ASMT: variants seen among roughly 807,000 people sequenced by gnomAD.
The protein encoded by ASMT is acetylserotonin N-methyltransferase.
In ASMT, 53 loss-of-function variants were observed where a neutral mutation model predicts 41.3. The observed-to-expected ratio is 1.28, with a 90% CI of 1.03 to 1.61. The LOEUF (loss-of-function observed/expected upper bound fraction) is 1.61. Among genes scored for constraint, ASMT ranks in the 40% most tolerant of loss-of-function variants. The probability of loss-of-function intolerance (pLI) is 0.00; values close to 1 mark genes in which losing one functional copy is unlikely to be tolerated. For missense variants in ASMT, 531 were observed against 441.3 expected (o/e 1.20, Z -1.82); for synonymous variants, 231 against 184.8 (o/e 1.25, Z -2.03).
At chrX:1,635,628 G>A (rs185725823) in intron 7 of ASMT, among the ~76,000 whole-genome samples, 3 of 152,098 alleles carry the variant, frequency 2.0e-5, no homozygotes, top group Admixed American at 6.5e-5. Flanking sequence ...TTGGGAGGCC[G>A]AGGCGGGCGG....
At chrX:1,623,846 G>A (rs112654373) in intron 2 of ASMT, among the ~76,000 whole-genome samples, 6 of 150,780 alleles carry the variant, frequency 4.0e-5, no homozygotes, top group African/African-American at 1.5e-4. Context: ...ACAGGATTTC[G>A]TCACGTTGGC....
rs1284921695 is a variant in ASMT, at chrX:1,641,580, A to T, written c.911-1223A>T. ...TGAGGTCCACCCATCCTGATGGTTC[A>T]TGAGGATGTGGGCACAGCCTCTGTG... On this transcript the variant is annotated intron_variant, in intron 8 of 8. Coordinates refer to ENST00000381241, the MANE Select transcript of ASMT (RefSeq NM_001171038.2). Among the ~76,000 whole-genome samples, 2 of 148,860 alleles carry T rather than the reference A, an allele frequency of 1.3e-5. 1 individual carries two copies. The highest frequency in any genetic ancestry group is 4.1e-4 in the East Asian group (2 of 4,876).
At chrX:1,628,520 G>C (rs1183431015) in intron 4 of ASMT, among the ~76,000 whole-genome samples, 1 of 152,068 alleles carries the variant, frequency 6.6e-6, no homozygotes, top group Non-Finnish European at 1.5e-5. Context: ...CTGAGGCATG[G>C]AGTAGGGAAG....
At chrX:1,620,811 C>A (rs1194185227) in intron 1 of ASMT, among the ~76,000 whole-genome samples, 2 of 152,036 alleles carry the variant, frequency 1.3e-5, no homozygotes, top group African/African-American at 4.8e-5. Flanking sequence ...ATGGCTTGAA[C>A]CTGGGAGGTG....
rs1300463845 is a variant in ASMT at position 1,636,561 on chromosome X, G to A, written c.910+1G>A. ...AGGATCTACCACACTTGCAAGCCAG[G>A]TAAGTTGTGGGGTTTGCATTTCAGC... On this transcript the variant is annotated splice_donor_variant, in intron 8 of 8. Transcript: ENST00000381241. LOFTEE classifies it high-confidence loss of function. 21 of 1,609,126 alleles carry A rather than the reference G, an allele frequency of 1.3e-5. No homozygotes were observed. In the East Asian group the frequency reaches 3.3e-4, roughly 26 times the overall value.
intron 5 of ASMT, among the ~76,000 whole-genome samples, chrX:1,631,983 A>C (rs1934795316): frequency 6.6e-6 from 1 of 152,146 alleles, no homozygotes; most frequent in African/African-American, 2.4e-5. Flanking sequence ...CGGGAAGTGA[A>C]GGTTGCAGTG....
rs1339188378 is a variant in ASMT, at chrX:1,615,090, C to G, written c.-110C>G. 2.3e-6 allele frequency: 2 copies of G among 887,606 alleles called. No homozygotes were observed. Among genetic ancestry groups the G allele is most frequent in the African/African-American group, 3.3e-5 (2 of 60,900 alleles). The allele number at this position is 887,606 out of a possible 1,614,324, so 55.0% of individuals were successfully genotyped here. A position where few individuals can be genotyped will look rare whatever the true frequency, so the allele number is the denominator to read the frequency against. ...GTACTGGGCAGGCAGCAGGGAGAGT[C>G]AGGCAGCAGCTGTGAGCGGGTGGCT... On this transcript the variant is annotated 5_prime_UTR_variant, in exon 1 of 9. Coordinates refer to ENST00000381241, the MANE Select transcript of ASMT (RefSeq NM_001171038.2).
rs1331157869 is a variant in ASMT, at chrX:1,628,418, G to A, written c.443+647G>A. Reference sequence around the variant, plus strand: ...ACCTCAGCTCTTCACTTTGCTTTGCGATGTGGACACAGCTTTGGCCTTTGC... The same window carrying A: ...ACCTCAGCTCTTCACTTTGCTTTGCAATGTGGACACAGCTTTGGCCTTTGC... On this transcript the variant is annotated intron_variant, in intron 4 of 8. Coordinates refer to ENST00000381241, the MANE Select transcript of ASMT (RefSeq NM_001171038.2). Among the ~76,000 whole-genome samples, 12 of 152,304 alleles carry A rather than the reference G, an allele frequency of 7.9e-5. No individual in the cohort carries two copies. The Middle Eastern group carries it at 0.01, about 130-fold the overall frequency.
chrX:1,635,093 G>C (rs1272612797), intron 7 of ASMT, among the ~76,000 whole-genome samples: 1 of 148,738 alleles, frequency 6.7e-6, no homozygotes, highest in African/African-American at 2.5e-5. Context: ...TCCTGCCTCA[G>C]CCTCCCGAGT....
chrX:1,623,164 G>A lies in ASMT; in HGVS notation c.95G>A (p.Gly32Asp), dbSNP rs1934396915. Reference protein sequence around the residue: ...SQVLFAACELGVFDLLAEAPG... With the variant: ...SQVLFAACELDVFDLLAEAPG... ...GTTCTCTTCGCCGCCTGCGAGCTGGGCGTGTTTGACCTTCTCGCCGAGGCC... is the reference window on the plus strand; with the variant it reads ...GTTCTCTTCGCCGCCTGCGAGCTGGACGTGTTTGACCTTCTCGCCGAGGCC... The change falls in exon 2 of 9, where the codon GGC becomes GAC. Residue 32 changes from glycine (G) to aspartate (D), a missense_variant. Gly to Asp is a moderately conservative substitution (Grantham distance 94, BLOSUM62 -1). Coordinates refer to ENST00000381241, the MANE Select transcript of ASMT (RefSeq NM_001171038.2). 1 of 1,612,872 alleles carries A rather than the reference G, an allele frequency of 6.2e-7. No homozygotes were observed.
At chrX:1,619,587 T>TAATAAA (rs1420115346) in intron 1 of ASMT, among the ~76,000 whole-genome samples, 57 of 136,170 alleles carry the variant, frequency 4.2e-4, no homozygotes, top group Middle Eastern at 3.8e-3. Context: ...ATAATAATAA[T>TAATAAA]AAAAAGTCTT....
At chrX:1,641,202 G>C in intron 8 of ASMT, among the ~76,000 whole-genome samples, 1 of 2,436 alleles carries the variant, frequency 4.1e-4, no homozygotes. Context: ...GTGTGTGATG[G>C]GGACAGTGTC....
At chrX:1,632,405 A>G (rs7061029) in intron 5 of ASMT, among the ~76,000 whole-genome samples, 50,449 of 151,870 alleles carry the variant, frequency 0.33, 7,922 homozygotes, top group African/African-American at 0.36. Context: ...TCATCCCAGC[A>G]CTTTGGGAGG....
chrX:1,615,254 T>A lies in ASMT; in HGVS notation c.55T>A (p.Phe19Ile), dbSNP rs1451969546. The A allele has an allele frequency of 1.9e-6, 3 of 1,594,592 alleles. No homozygotes were observed. Among genetic ancestry groups the A allele is most frequent in the South Asian group, 1.1e-5 (1 of 87,706 alleles). The change falls in exon 1 of 9, where the codon TTC becomes ATC. Residue 19 changes from phenylalanine (F) to isoleucine (I), a missense_variant. Physicochemically the swap from Phe to Ile is conservative, Grantham distance 21 (BLOSUM62 0). Coordinates refer to ENST00000381241, the MANE Select transcript of ASMT (RefSeq NM_001171038.2). ...CCTCCTTAATGACTACGCCAACGGC[T>A]TCATGGTGTCCCAGGTAGGATACGC... ...YRLLNDYANG[F>I]MVSQVLFAAC...
intron 4 of ASMT, 164 bp downstream of exon 4, chrX:1,627,935 C>T (rs1934617891): frequency 4.1e-6 from 3 of 732,526 alleles, no homozygotes; most frequent in Admixed American, 2.3e-5. Context: ...AGATTTTGCT[C>T]ATCTGATGTT....
intron 1 of ASMT, among the ~76,000 whole-genome samples, chrX:1,620,901 T>C (rs1934314261): frequency 7.1e-6 from 1 of 140,858 alleles, no homozygotes; most frequent in Non-Finnish European, 1.5e-5. Flanking sequence ...AAAATAATGA[T>C]AATAATAATA....
chrX:1,617,515 G>A (rs145056299), intron 1 of ASMT, among the ~76,000 whole-genome samples: 86 of 152,194 alleles, frequency 5.7e-4, no homozygotes, highest in African/African-American at 1.9e-3. Context: ...AGGGGGTCGT[G>A]TGCTGACGAT....
rs771060223 is a variant in ASMT, at chrX:1,623,502, G to T, written c.244+189G>T. ...TCATCCCAGCTACTCAGGAGGCTGA[G>T]GCAGGAGAATGGCATGAACCCGGGA... On this transcript the variant is annotated intron_variant, in intron 2 of 8. Transcript: ENST00000381241. Among the ~76,000 whole-genome samples, 18 of 152,310 alleles carry T rather than the reference G, an allele frequency of 1.2e-4. No individual in the cohort carries two copies. The South Asian group carries it at 3.7e-3, about 32-fold the overall frequency.
intron 4 of ASMT, chrX:1,628,013 G>C (rs1317773429): frequency 6.7e-6 from 4 of 597,160 alleles, no homozygotes; most frequent in Non-Finnish European, 1.2e-5. Flanking sequence ...CACAAACTCA[G>C]TGTTTATGTA....
Sources: gnomAD v4.1 joint callset for allele counts (sites outside exome capture counted in the v4.1 genomes callset) on GRCh38, gnomAD v4.1.1 for gene constraint, MANE v1.5 for transcripts, NCBI Gene and HGNC (gene_info 2026-07-23, HGNC 2026-07-21) for gene names.